The following TCAF1 variants were observed in gnomAD, a reference collection of about 807,000 sequenced individuals.
TCAF1 encodes the protein TRPM8 channel associated factor 1.
TCAF1 carries 4 observed loss-of-function variants against 27.3 expected under a neutral mutation model. The ratio of observed to expected loss-of-function variants is 0.15; its 90% CI spans 0.07 to 0.34. The LOEUF is 0.34. TCAF1 is among the 10% of genes least tolerant of loss of function. The probability of loss-of-function intolerance (pLI) is 1.00; values close to 1 mark genes in which losing one functional copy is unlikely to be tolerated. For synonymous variants in TCAF1, 105 were observed against 167.1 expected, an observed-to-expected ratio of 0.63 and a Z score of 2.87; for missense variants, 257 against 425.8, an observed-to-expected ratio of 0.60 and a Z score of 3.49.
chr7:143,896,339 T>C (rs1036194594), intron 1 of TCAF1, among the ~76,000 whole-genome samples: 1 of 151,954 alleles, frequency 6.6e-6, no homozygotes, highest in Non-Finnish European at 1.5e-5. Context: ...CCTCAAGATA[T>C]ATGAAGCAAA....
rs142052281 is a variant in TCAF1, at chr7:143,888,140, A to C, written c.-14-11518T>G. On this transcript the variant is annotated intron_variant, in intron 1 of 8. Transcript: ENST00000479870. Reference sequence around the variant, plus strand: ...TTAAAAATAATGTTTTAGTTCTAGGAATGTAGATAAATGTCCCAAAACATA... The same window carrying C: ...TTAAAAATAATGTTTTAGTTCTAGGCATGTAGATAAATGTCCCAAAACATA... Among the ~76,000 whole-genome samples the C allele has an allele frequency of 3.5e-3, 534 of 152,340 alleles. 2 individuals carry two copies. Among genetic ancestry groups the C allele is most frequent in the Non-Finnish European group, 6.1e-3 (414 of 68,024 alleles).
At chr7:143,887,468 T>C (rs1179555327) in intron 1 of TCAF1, among the ~76,000 whole-genome samples, 2 of 152,194 alleles carry the variant, frequency 1.3e-5, no homozygotes, top group East Asian at 3.9e-4. Flanking sequence ...GTAATTTTTT[T>C]CTTTAGACAC....
rs199796791 is a variant in TCAF1 at position 143,873,476 on chromosome 7, T to TG, written c.620+2512dup. The stretch of plus-strand genomic sequence containing the variant: ...TGGGGTGTGATTTGATACCATTACC[T>TG]GGGTGATGAGTACATGTGCTCATTG... On this transcript the variant is annotated intron_variant, in intron 2 of 8. Transcript: ENST00000479870. 3.5e-5 allele frequency among the ~76,000 whole-genome samples: 5 copies of TG among 144,768 alleles called. No homozygotes were observed. The East Asian group carries it at 6.4e-4, about 19-fold the overall frequency. The allele number at this position is 144,768 out of a possible 152,430, so 95.0% of individuals were successfully genotyped here.
At chr7:143,885,634 C>A in intron 1 of TCAF1, 1 of 851,748 alleles carries the variant, frequency 1.2e-6, no homozygotes, top group Non-Finnish European at 1.4e-6. Context: ...CAACTATTTC[C>A]AAGGATGGGT....
At chr7:143,895,278 T>C (rs914746411) in intron 1 of TCAF1, among the ~76,000 whole-genome samples, 2 of 151,780 alleles carry the variant, frequency 1.3e-5, no homozygotes, top group Admixed American at 6.6e-5. Context: ...AAAAAATAAA[T>C]GTCCATCAAC....
intron 1 of TCAF1, among the ~76,000 whole-genome samples, chr7:143,890,090 G>A (rs1490820763): frequency 6.6e-6 from 1 of 151,794 alleles, no homozygotes; most frequent in Non-Finnish European, 1.5e-5. Context: ...CCAGGTTCAC[G>A]CCATTCTCCT....
At chr7:143,894,164 CAAG>C (rs528988996) in intron 1 of TCAF1, among the ~76,000 whole-genome samples, 222 of 151,580 alleles carry the variant, frequency 1.5e-3, no homozygotes, top group Non-Finnish European at 2.5e-3. Flanking sequence ...TCCAAAACAG[CAAG>C]AAGAAGCAGA....
At chr7:143,882,874 G>C (rs1813151339) in intron 1 of TCAF1, 3 of 985,650 alleles carry the variant, frequency 3.0e-6, no homozygotes. Flanking sequence ...GGAGGCTGGA[G>C]CTGGAGGAGA....
rs1469020401 is a variant in TCAF1, at chr7:143,851,380, T to A, written c.*2753A>T. The A allele has an allele frequency of 2.0e-5, 3 of 152,328 alleles. No individual in the cohort carries two copies. The highest frequency in any genetic ancestry group is 1.3e-4 in the Admixed American group (2 of 15,290). 9.4% of individuals were successfully genotyped at this position (152,328 alleles called of 1,614,324 possible). Reference sequence around the variant, plus strand: ...AATCAATGTGAAGTCACTGGAAGATTTTTATTTGGGTTTATTAAAAATTTT... The same window carrying A: ...AATCAATGTGAAGTCACTGGAAGATATTTATTTGGGTTTATTAAAAATTTT... On this transcript the variant is annotated 3_prime_UTR_variant, in exon 9 of 9. Coordinates refer to ENST00000479870, the MANE Select transcript of TCAF1 (RefSeq NM_014719.3).
chr7:143,897,850 G>T (rs1303997621), intron 1 of TCAF1, among the ~76,000 whole-genome samples: 2 of 151,880 alleles, frequency 1.3e-5, no homozygotes, highest in African/African-American at 4.8e-5. Context: ...ATAGCATAAG[G>T]GAGAATACTA....
chr7:143,881,486 T>C (rs975920316), intron 1 of TCAF1, among the ~76,000 whole-genome samples: 5 of 152,320 alleles, frequency 3.3e-5, no homozygotes, highest in South Asian at 2.1e-4. Context: ...AACCCCTTTT[T>C]TGAATTCTGT....
chr7:143,881,707 C>G (rs898948317), intron 1 of TCAF1, among the ~76,000 whole-genome samples: 1 of 152,128 alleles, frequency 6.6e-6, no homozygotes, highest in Non-Finnish European at 1.5e-5. Flanking sequence ...CCCATTCAGC[C>G]CCTCTACCAT....
chr7:143,900,858 C>T (rs532106577), intron 1 of TCAF1, among the ~76,000 whole-genome samples: 1 of 152,086 alleles, frequency 6.6e-6, no homozygotes, highest in South Asian at 2.1e-4. Flanking sequence ...AAAGATGAAT[C>T]TATAAAACTT....
chr7:143,899,946 C>A (rs569019215), intron 1 of TCAF1, among the ~76,000 whole-genome samples: 1 of 152,290 alleles, frequency 6.6e-6, no homozygotes, highest in Admixed American at 6.5e-5. Flanking sequence ...TATTTCATAC[C>A]TGCCAGACTG....
chr7:143,870,480 T>C, intron 2 of TCAF1, among the ~76,000 whole-genome samples: 1 of 148,708 alleles, frequency 6.7e-6, no homozygotes, highest in South Asian at 2.1e-4. Context: ...TTAAGGAGTA[T>C]TTAGAAACAT....
At chr7:143,881,883 G>A (rs1813047189) in intron 1 of TCAF1, 1 of 152,146 alleles carries the variant, frequency 6.6e-6, no homozygotes, top group Non-Finnish European at 1.5e-5. Context: ...CATAATTGAG[G>A]AGCACAAGCC....
chr7:143,885,557 C>G lies in TCAF1; in HGVS notation c.-14-8935G>C, dbSNP rs570773441. 13 of 985,294 alleles carry G rather than the reference C, an allele frequency of 1.3e-5. No individual in the cohort carries two copies. The Middle Eastern group carries it at 1.6e-3, about 119-fold the overall frequency. 61.0% of individuals were successfully genotyped at this position (985,294 alleles called of 1,614,324 possible). A position where few individuals can be genotyped will look rare whatever the true frequency, so the allele number is the denominator to read the frequency against. Reference sequence around the variant, plus strand: ...CAGGACGATTTGTTTCAAAGTAAATCGTTGAGACTGTTCATTAACAAGGGA... The same window carrying G: ...CAGGACGATTTGTTTCAAAGTAAATGGTTGAGACTGTTCATTAACAAGGGA... On this transcript the variant is annotated intron_variant, in intron 1 of 8. Coordinates refer to ENST00000479870, the MANE Select transcript of TCAF1 (RefSeq NM_014719.3).
chr7:143,881,123 G>A (rs987523100), intron 1 of TCAF1, among the ~76,000 whole-genome samples: 8 of 152,192 alleles, frequency 5.3e-5, no homozygotes, highest in African/African-American at 7.2e-5. Flanking sequence ...TGAGAGATGC[G>A]TGGAAGGGCA....
chr7:143,875,750 T>C (rs1049901294), intron 2 of TCAF1, among the ~76,000 whole-genome samples: 4 of 152,124 alleles, frequency 2.6e-5, no homozygotes, highest in East Asian at 1.9e-4. Context: ...ACTGGGACCA[T>C]AGCCACCATT....
Sources: allele counts gnomAD v4.1 joint callset (sites outside exome capture counted in the v4.1 genomes callset), GRCh38; gene constraint gnomAD v4.1.1; transcripts MANE v1.5; gene names NCBI Gene and HGNC (gene_info 2026-07-23, HGNC 2026-07-21).